The following PCDHGA7 variants were observed in gnomAD, a reference collection of about 807,000 sequenced individuals.
PCDHGA7 encodes the protein protocadherin gamma subfamily A, 7.
In PCDHGA7, 44 loss-of-function variants were observed where a neutral mutation model predicts 58.3. That is an observed-to-expected ratio of 0.75 (90% CI 0.59 to 0.97). PCDHGA7 has a LOEUF of 0.97. Among genes scored for constraint, PCDHGA7 ranks in the 50% least tolerant of loss-of-function variants. The pLI is 0.00. For synonymous variants in PCDHGA7, 516 were observed against 504.2 expected (o/e 1.02, Z -0.31); for missense variants, 1,266 against 1,188.7 (o/e 1.06, Z -0.96).
At chr5:141,433,091 A>C in intron 1 of PCDHGA7, 1 of 1,614,182 alleles carries the variant, frequency 6.2e-7, no homozygotes, top group Non-Finnish European at 8.5e-7. Flanking sequence ...CTATGCAGAC[A>C]TGCTCGTCAG....
intron 1 of PCDHGA7, chr5:141,428,502 G>T: frequency 7.1e-6 from 2 of 282,686 alleles, no homozygotes; most frequent in Non-Finnish European, 6.9e-6. Flanking sequence ...ATGTTCCCTC[G>T]GATTCTAGAA....
At position 141,485,848 on chromosome 5, in the gene PCDHGA7, C is replaced by G. The variant is rs1416763615; in HGVS notation, c.2425-8959C>G. 1.9e-6 allele frequency: 3 copies of G among 1,614,076 alleles called. No individual in the cohort carries two copies. The highest frequency in any genetic ancestry group is 1.1e-5 in the South Asian group (1 of 91,084). On this transcript the variant is annotated intron_variant, in intron 1 of 3. Coordinates refer to ENST00000518325, the MANE Select transcript of PCDHGA7 (RefSeq NM_018920.4). This position sits in a 1 kb window ranked among gnomAD's most constrained non-coding sequence, Gnocchi z 5.7. The stretch of plus-strand genomic sequence containing the variant: ...GAGGGAACCCGCCGAGATCTGGCAC[C>G]GCAGAGCTCCGGGTATCCGTGCTGG...
intron 1 of PCDHGA7, chr5:141,416,540 G>T (rs1439132249): frequency 6.6e-6 from 1 of 151,974 alleles, no homozygotes; most frequent in Non-Finnish European, 1.5e-5. Flanking sequence ...GTATAAGGAG[G>T]CAAACACCTG....
intron 1 of PCDHGA7, chr5:141,393,206 A>T: frequency 6.2e-7 from 1 of 1,613,588 alleles, no homozygotes; most frequent in East Asian, 2.2e-5. Context: ...ATAATAACCC[A>T]AAATTCCAGG....
chr5:141,390,164 G>A (rs370376667), intron 1 of PCDHGA7: 200 of 1,613,888 alleles, frequency 1.2e-4, no homozygotes, highest in Non-Finnish European at 1.6e-4. Context: ...CAGGAAAGAC[G>A]GAGTTTAATT....
intron 1 of PCDHGA7, chr5:141,422,123 C>A: frequency 6.2e-7 from 1 of 1,601,290 alleles, no homozygotes; most frequent in South Asian, 1.1e-5. Context: ...GATTCACAAA[C>A]TGGAGAAGTT....
At chr5:141,466,716 T>A (rs2099127818) in intron 1 of PCDHGA7, among the ~76,000 whole-genome samples, 1 of 152,210 alleles carries the variant, frequency 6.6e-6, no homozygotes, top group South Asian at 2.1e-4. Flanking sequence ...TGTTCTTGTT[T>A]CCATTTTAGC....
At chr5:141,419,789 G>A (rs758649709) in intron 1 of PCDHGA7, 2 of 1,614,068 alleles carry the variant, frequency 1.2e-6, no homozygotes, top group South Asian at 2.2e-5. Context: ...GCGCCTGCTA[G>A]TCGCTGTAAG....
intron 1 of PCDHGA7, among the ~76,000 whole-genome samples, chr5:141,482,800 G>C (rs10052648): frequency 0.023 from 2,992 of 130,874 alleles, 96 homozygotes; most frequent in African/African-American, 0.087. Context: ...GGCCGGGTAC[G>C]GTGGCTCATG....
intron 1 of PCDHGA7, among the ~76,000 whole-genome samples, chr5:141,452,760 G>A (rs920853226): frequency 3.3e-5 from 5 of 152,120 alleles, no homozygotes; most frequent in Non-Finnish European, 7.4e-5. Context: ...AAGGAAGGGA[G>A]GGAGGGAAAA....
chr5:141,406,707 T>C (rs1201619018), intron 1 of PCDHGA7, among the ~76,000 whole-genome samples: 1 of 152,228 alleles, frequency 6.6e-6, no homozygotes, highest in Non-Finnish European at 1.5e-5. Flanking sequence ...AGTATATGCT[T>C]GCTCAAGAGA....
rs774992336 is a variant in PCDHGA7, at chr5:141,409,845, T to G, written c.2424+24522T>G. The G allele has an allele frequency of 7.4e-6, 12 of 1,611,748 alleles. No homozygotes were observed. In the African/African-American group the frequency reaches 1.6e-4, roughly 22 times the overall value. On this transcript the variant is annotated intron_variant, in intron 1 of 3. Coordinates refer to ENST00000518325, the MANE Select transcript of PCDHGA7 (RefSeq NM_018920.4). ...CCCACGCTCAGCGCCAACGTGAGCCTGCGCGTGTTGGTGGGAGACCGCAAT... is the reference window on the plus strand; with the variant it reads ...CCCACGCTCAGCGCCAACGTGAGCCGGCGCGTGTTGGTGGGAGACCGCAAT...
chr5:141,388,060 A>G lies in PCDHGA7; in HGVS notation c.2424+2737A>G, dbSNP rs1429863107. 16 of 1,381,916 alleles carry G rather than the reference A, an allele frequency of 1.2e-5. No individual in the cohort carries two copies. The highest frequency in any genetic ancestry group is 2.5e-5 in the East Asian group (1 of 40,268). The allele number at this position is 1,381,916 out of a possible 1,614,324, so 85.6% of individuals were successfully genotyped here. Reference sequence around the variant, plus strand: ...GCCACGGACCTGGGGTTCAGCGTCCAGGAGTTACCGACTCGAAAACTGCGC... The same window carrying G: ...GCCACGGACCTGGGGTTCAGCGTCCGGGAGTTACCGACTCGAAAACTGCGC... On this transcript the variant is annotated intron_variant, in intron 1 of 3. Transcript: ENST00000518325.
chr5:141,427,361 A>ACC (rs781206288), intron 1 of PCDHGA7: 1 of 457,772 alleles, frequency 2.2e-6, no homozygotes, highest in South Asian at 1.5e-5. Context: ...AGGACGCAGA[A>ACC]CCCTGGACGG....
At chr5:141,478,117 C>T (rs1419172538) in intron 1 of PCDHGA7, 2 of 1,614,058 alleles carry the variant, frequency 1.2e-6, no homozygotes, top group East Asian at 4.5e-5. Flanking sequence ...TGTCAGTAAC[C>T]GAGGACTCTC....
chr5:141,459,253 ATTAGTGTTGCCTCT>A (rs1439680561), intron 1 of PCDHGA7, among the ~76,000 whole-genome samples: 1 of 152,174 alleles, frequency 6.6e-6, no homozygotes, highest in African/African-American at 2.4e-5. Context: ...GTCACTATAA[ATTAGTGTTGCCTCT>A]TTCAGAATTT....
intron 2 of PCDHGA7, among the ~76,000 whole-genome samples, chr5:141,503,985 T>C (rs1277024188): frequency 6.6e-6 from 1 of 152,150 alleles, no homozygotes; most frequent in African/African-American, 2.4e-5. Flanking sequence ...ACCCTTCTTC[T>C]TACCTTACAG....
chr5:141,481,871 G>T (rs372191396), intron 1 of PCDHGA7, among the ~76,000 whole-genome samples: 1 of 144,788 alleles, frequency 6.9e-6, no homozygotes, highest in Non-Finnish European at 1.5e-5. Context: ...CCGAGATCGC[G>T]CCACTGCACT....
rs1434476229 is a variant in PCDHGA7, at chr5:141,384,255, C to A, written c.1356C>A (p.Phe452Leu). The change falls in exon 1 of 4, where the codon TTC (phenylalanine) becomes TTA (leucine). Residue 452 changes from phenylalanine (F) to leucine (L), a missense_variant. Phe to Leu is a conservative substitution (Grantham distance 22, BLOSUM62 0). Coordinates refer to ENST00000518325, the MANE Select transcript of PCDHGA7 (RefSeq NM_018920.4). ...ACACCAACGATAACCCACCCACCTT[C>A]CCCCACTCATCCTACTCAGTCTACA... ...VADTNDNPPT[F>L]PHSSYSVYIA... is the part of the protein sequence containing the mutation. 1 of 1,613,746 alleles carries A rather than the reference C, an allele frequency of 6.2e-7. No homozygotes were observed. Among genetic ancestry groups the A allele is most frequent in the African/African-American group, 1.3e-5 (1 of 74,924 alleles).
Sources: allele counts gnomAD v4.1 joint callset (sites outside exome capture counted in the v4.1 genomes callset), GRCh38; gene constraint gnomAD v4.1.1; non-coding constraint Gnocchi (gnomAD v3.1); transcripts MANE v1.5; gene names NCBI Gene and HGNC (gene_info 2026-07-23, HGNC 2026-07-21).